The following SCHIP1 variants were observed in gnomAD, a reference collection of about 807,000 sequenced individuals.
The protein encoded by SCHIP1 is schwannomin-interacting protein 1.
In SCHIP1, 8 loss-of-function variants were observed where a neutral mutation model predicts 29.7. That is an observed-to-expected ratio of 0.27 (90% CI 0.16 to 0.49). The LOEUF is 0.49. Ranked by LOEUF, SCHIP1 falls within the 20% of genes least tolerant of loss-of-function variation. The probability of loss-of-function intolerance (pLI) is 0.99; values close to 1 mark genes in which losing one functional copy is unlikely to be tolerated. For missense variants in SCHIP1, 193 were observed against 294.6 expected, an observed-to-expected ratio of 0.66 and a Z score of 2.52; for synonymous variants, 76 against 94.9, an observed-to-expected ratio of 0.80 and a Z score of 1.16.
At chr3:159,279,054 C>A in the SCHIP1 span, among the ~76,000 whole-genome samples, 1 of 152,178 alleles carries the variant, frequency 6.6e-6, no homozygotes, top group Non-Finnish European at 1.5e-5. Flanking sequence ...TCACTCAACT[C>A]ACATTCTTTT....
the SCHIP1 span, among the ~76,000 whole-genome samples, chr3:159,589,414 C>G: frequency 1.3e-5 from 2 of 152,114 alleles, no homozygotes; most frequent in Non-Finnish European, 2.9e-5. Flanking sequence ...CAAACAGGGA[C>G]AATTTGACTT....
At chr3:159,824,932 C>T in the SCHIP1 span, among the ~76,000 whole-genome samples, 1 of 152,090 alleles carries the variant, frequency 6.6e-6, no homozygotes, top group East Asian at 1.9e-4. Flanking sequence ...ACCTAAACCC[C>T]CATAGTAGAC....
chr3:159,712,990 T>C, the SCHIP1 span, among the ~76,000 whole-genome samples: 7 of 150,946 alleles, frequency 4.6e-5, no homozygotes, highest in Non-Finnish European at 8.9e-5. Flanking sequence ...ACCCCATCTC[T>C]ACTAAAAATA....
At chr3:159,627,399 C>T in the SCHIP1 span, among the ~76,000 whole-genome samples, 1 of 152,220 alleles carries the variant, frequency 6.6e-6, no homozygotes, top group South Asian at 2.1e-4. Context: ...ACAACATTTA[C>T]TTGGCACTGG....
chr3:159,713,225 A>AAAGG, the SCHIP1 span, among the ~76,000 whole-genome samples: 185 of 117,318 alleles, frequency 1.6e-3, no homozygotes, highest in African/African-American at 5.9e-3. Context: ...AGAGAGAGAG[A>AAAGG]AAGAAAGGAA....
the SCHIP1 span, among the ~76,000 whole-genome samples, chr3:159,355,467 G>A: frequency 1.0e-3 from 156 of 152,038 alleles, 1 homozygote; most frequent in East Asian, 0.017. Context: ...CTAAATATTT[G>A]GTGCACAAGG....
chr3:159,564,892 G>T, the SCHIP1 span, among the ~76,000 whole-genome samples: 1 of 152,126 alleles, frequency 6.6e-6, no homozygotes, highest in African/African-American at 2.4e-5. Context: ...CCAGTTTGGG[G>T]CTATTGTGAA....
chr3:159,317,390 T>A, the SCHIP1 span, among the ~76,000 whole-genome samples: 74 of 152,288 alleles, frequency 4.9e-4, no homozygotes, highest in African/African-American at 1.6e-3. Flanking sequence ...CAGCAGAACA[T>A]AATGTCGTGG....
chr3:159,794,036 A>G, the SCHIP1 span, among the ~76,000 whole-genome samples: 47 of 152,186 alleles, frequency 3.1e-4, no homozygotes, highest in African/African-American at 1.1e-3. Context: ...GTCTCCCCAT[A>G]GCAAGGTCTT....
the SCHIP1 span, among the ~76,000 whole-genome samples, chr3:159,317,010 G>C: frequency 3.7e-4 from 56 of 152,232 alleles, no homozygotes; most frequent in Middle Eastern, 6.8e-3. Context: ...GGTTGTGGGC[G>C]TTCTTCCTGG....
the SCHIP1 span, among the ~76,000 whole-genome samples, chr3:159,496,600 A>G: frequency 1.3e-5 from 2 of 152,174 alleles, no homozygotes; most frequent in African/African-American, 4.8e-5. Context: ...AAAAGTCAGG[A>G]AACAACAGGT....
the SCHIP1 span, among the ~76,000 whole-genome samples, chr3:159,576,002 T>G: frequency 6.6e-6 from 1 of 152,212 alleles, no homozygotes; most frequent in African/African-American, 2.4e-5. Context: ...TCAATTTAAT[T>G]TTCAGAAAGA....
the SCHIP1 span, among the ~76,000 whole-genome samples, chr3:159,694,560 GAAA>G: frequency 7.5e-6 from 1 of 133,680 alleles, no homozygotes; most frequent in Non-Finnish European, 1.6e-5. Context: ...AAGAAAGAAA[GAAA>G]GAAAGAAAGA....
chr3:159,295,198 A>G, the SCHIP1 span, among the ~76,000 whole-genome samples: 3 of 147,236 alleles, frequency 2.0e-5, no homozygotes, highest in South Asian at 2.2e-4. Context: ...TGGACAGATC[A>G]TGAGGTCAGG....
the SCHIP1 span, among the ~76,000 whole-genome samples, chr3:159,580,360 G>A: frequency 1.9e-3 from 289 of 152,234 alleles, 2 homozygotes; most frequent in African/African-American, 6.5e-3. Context: ...CAGACACAGG[G>A]CCTCACACTT....
chr3:159,510,173 A>G, the SCHIP1 span, among the ~76,000 whole-genome samples: 4 of 152,050 alleles, frequency 2.6e-5, no homozygotes, highest in Non-Finnish European at 5.9e-5. Flanking sequence ...ATTTCTTTTT[A>G]TTCTTTTTTC....
the SCHIP1 span, among the ~76,000 whole-genome samples, chr3:159,589,048 C>T: frequency 4.6e-5 from 7 of 152,130 alleles, no homozygotes; most frequent in Non-Finnish European, 7.3e-5. Flanking sequence ...TATAAATTAC[C>T]TTGGGCAGTA....
chr3:159,806,316 G>A, the SCHIP1 span, among the ~76,000 whole-genome samples: 10 of 152,160 alleles, frequency 6.6e-5, no homozygotes, highest in Admixed American at 2.0e-4. Flanking sequence ...TGAGCAGTAG[G>A]CAAAGCTGTG....
the SCHIP1 span, among the ~76,000 whole-genome samples, chr3:159,821,306 T>A: frequency 8.5e-5 from 13 of 152,290 alleles, no homozygotes; most frequent in South Asian, 2.3e-3. Flanking sequence ...AGTTTTGTGG[T>A]TGTCTAGGAG....
Sources: allele counts gnomAD v4.1 joint callset (sites outside exome capture counted in the v4.1 genomes callset), GRCh38; gene constraint gnomAD v4.1.1; transcripts MANE v1.5; gene names NCBI Gene and HGNC (gene_info 2026-07-23, HGNC 2026-07-21).